PPP1R14C: variants seen among roughly 807,000 people sequenced by gnomAD.
PPP1R14C encodes the protein protein phosphatase 1 regulatory subunit 14C.
In PPP1R14C, 16 loss-of-function variants were observed where a neutral mutation model predicts 20.4. The observed-to-expected ratio is 0.78, with a 90% CI of 0.53 to 1.19. PPP1R14C has a LOEUF of 1.19. Among genes scored for constraint, PPP1R14C ranks in the 50% most tolerant of loss-of-function variants. PPP1R14C has a pLI of 0.00. For synonymous variants in PPP1R14C, 91 were observed against 91.0 expected, an observed-to-expected ratio of 1.00 and a Z score of 0.00; for missense variants, 211 against 220.1, an observed-to-expected ratio of 0.96 and a Z score of 0.26.
At chr6:150,148,613 T>C (rs1777206017) in intron 1 of PPP1R14C, among the ~76,000 whole-genome samples, 1 of 152,160 alleles carries the variant, frequency 6.6e-6, no homozygotes, top group South Asian at 2.1e-4. Flanking sequence ...GCTACTTTAT[T>C]AGCGCTCAAG....
intron 1 of PPP1R14C, among the ~76,000 whole-genome samples, chr6:150,152,824 C>T (rs750345038): frequency 2.0e-5 from 3 of 152,212 alleles, no homozygotes; most frequent in Non-Finnish European, 4.4e-5. Context: ...TTGGGTGTCT[C>T]TGCTATGGAC....
At chr6:150,161,842 AT>A (rs1283219501) in intron 1 of PPP1R14C, among the ~76,000 whole-genome samples, 5 of 152,172 alleles carry the variant, frequency 3.3e-5, no homozygotes, top group Non-Finnish European at 7.4e-5. Flanking sequence ...CACATTCTGC[AT>A]TCCATCCTGG....
At chr6:150,166,471 G>C (rs6912789) in intron 1 of PPP1R14C, among the ~76,000 whole-genome samples, 1 of 152,214 alleles carries the variant, frequency 6.6e-6, no homozygotes, top group African/African-American at 2.4e-5. Flanking sequence ...GACACCAGGG[G>C]CTGGGGTTAT....
At chr6:150,237,205 CT>C (rs950665802) in intron 3 of PPP1R14C, among the ~76,000 whole-genome samples, 4 of 151,438 alleles carry the variant, frequency 2.6e-5, no homozygotes, top group Admixed American at 2.0e-4. Flanking sequence ...GTAGCATATT[CT>C]TTTTTTTTGT....
intron 3 of PPP1R14C, among the ~76,000 whole-genome samples, chr6:150,225,410 T>G (rs1778219835): frequency 6.6e-6 from 1 of 152,156 alleles, no homozygotes; most frequent in African/African-American, 2.4e-5. Flanking sequence ...CCAGTTCAAG[T>G]TTTTCTACTC....
At chr6:150,248,301 A>G (rs1778518629) in intron 3 of PPP1R14C, among the ~76,000 whole-genome samples, 1 of 152,194 alleles carries the variant, frequency 6.6e-6, no homozygotes, top group Admixed American at 6.5e-5. Flanking sequence ...GAGGCACACT[A>G]GTCCAGCCTT....
intron 3 of PPP1R14C, among the ~76,000 whole-genome samples, chr6:150,237,647 G>A (rs1778378534): frequency 6.6e-6 from 1 of 152,204 alleles, no homozygotes; most frequent in Non-Finnish European, 1.5e-5. Context: ...GTAACATACA[G>A]TAATTCATCT....
chr6:150,170,200 T>C (rs2114868341), intron 1 of PPP1R14C, among the ~76,000 whole-genome samples: 1 of 152,232 alleles, frequency 6.6e-6, no homozygotes, highest in Non-Finnish European at 1.5e-5. Context: ...GAATGGGAAA[T>C]ATTGTTGAAG....
chr6:150,177,183 T>C (rs1777572082), intron 1 of PPP1R14C, among the ~76,000 whole-genome samples: 1 of 152,184 alleles, frequency 6.6e-6, no homozygotes, highest in South Asian at 2.1e-4. Flanking sequence ...GCAGCACAGA[T>C]CTTCCCTGCA....
intron 1 of PPP1R14C, among the ~76,000 whole-genome samples, chr6:150,144,853 A>G (rs1168841844): frequency 1.3e-5 from 2 of 152,260 alleles, no homozygotes; most frequent in Admixed American, 6.5e-5. Flanking sequence ...GGCAAACATA[A>G]GAAGTATTCA....
At chr6:150,151,619 T>A (rs1436435106) in intron 1 of PPP1R14C, among the ~76,000 whole-genome samples, 1 of 152,234 alleles carries the variant, frequency 6.6e-6, no homozygotes. Context: ...AGCTCTCAGG[T>A]GACAGCCAGG....
chr6:150,242,634 C>G (rs760605473), intron 3 of PPP1R14C, among the ~76,000 whole-genome samples: 1 of 152,184 alleles, frequency 6.6e-6, no homozygotes, highest in African/African-American at 2.4e-5. Flanking sequence ...ATGCTTCCCC[C>G]TAAGATCAGT....
intron 1 of PPP1R14C, among the ~76,000 whole-genome samples, chr6:150,209,192 G>A (rs1035349103): frequency 4.6e-5 from 7 of 152,164 alleles, no homozygotes; most frequent in African/African-American, 7.2e-5. Context: ...AAATGGAGAC[G>A]GATGAGAGCT....
chr6:150,194,710 G>A (rs961815873), intron 1 of PPP1R14C: 13 of 985,260 alleles, frequency 1.3e-5, no homozygotes, highest in African/African-American at 3.5e-5. Flanking sequence ...TGATTTGCTT[G>A]TTCAGCTATA....
At chr6:150,195,466 GC>G (rs1365788647) in intron 1 of PPP1R14C, among the ~76,000 whole-genome samples, 24 of 152,108 alleles carry the variant, frequency 1.6e-4, no homozygotes, top group Non-Finnish European at 3.1e-4. Flanking sequence ...TCCCACCTCA[GC>G]CTCCTGAGTA....
intron 2 of PPP1R14C, among the ~76,000 whole-genome samples, chr6:150,215,698 T>C (rs1778082744): frequency 6.6e-6 from 1 of 152,218 alleles, no homozygotes; most frequent in South Asian, 2.1e-4. Context: ...TTTAAAAAGA[T>C]AACGCAGGTA....
chr6:150,214,896 C>T, intron 2 of PPP1R14C, 69 bp downstream of exon 2: 1 of 1,131,946 alleles, frequency 8.8e-7, no homozygotes, highest in Non-Finnish European at 1.3e-6. Flanking sequence ...GTCTTCAGTG[C>T]TTGGCATCAA....
chr6:150,189,767 G>T (rs1343166495), intron 1 of PPP1R14C, among the ~76,000 whole-genome samples: 1 of 152,162 alleles, frequency 6.6e-6, no homozygotes, highest in Non-Finnish European at 1.5e-5. Context: ...GATACAGAAT[G>T]CTTTATTATC....
At chr6:150,238,580 C>T (rs1311719142) in intron 3 of PPP1R14C, among the ~76,000 whole-genome samples, 1 of 152,272 alleles carries the variant, frequency 6.6e-6, no homozygotes, top group Non-Finnish European at 1.5e-5. Flanking sequence ...CCGCAGGGCA[C>T]CCGTTCACCC....
Sources: allele counts gnomAD v4.1 joint callset (sites outside exome capture counted in the v4.1 genomes callset), GRCh38; gene constraint gnomAD v4.1.1; transcripts MANE v1.5; gene names NCBI Gene and HGNC (gene_info 2026-07-23, HGNC 2026-07-21).